The following FAR1 variants were observed in gnomAD, a reference collection of about 807,000 sequenced individuals.
The protein encoded by FAR1 is male sterility domain-containing protein 2.
In FAR1, 22 loss-of-function variants were observed where a neutral mutation model predicts 61.1. That is an observed-to-expected ratio of 0.36 (90% CI 0.26 to 0.51). The LOEUF is 0.51. FAR1 is among the 20% of genes least tolerant of loss of function. FAR1 has a pLI of 0.95. For synonymous variants in FAR1, 206 were observed against 209.7 expected (o/e 0.98, Z 0.15); for missense variants, 359 against 626.9 (o/e 0.57, Z 4.56).
chr11:13,723,602 T>A (rs1456489819), intron 10 of FAR1, among the ~76,000 whole-genome samples: 1 of 152,152 alleles, frequency 6.6e-6, no homozygotes, highest in Non-Finnish European at 1.5e-5. Context: ...TTGGTGTCTT[T>A]AAGCAATTCA....
intron 10 of FAR1, among the ~76,000 whole-genome samples, chr11:13,727,241 A>G (rs1463198578): frequency 6.6e-6 from 1 of 151,956 alleles, no homozygotes; most frequent in Non-Finnish European, 1.5e-5. Context: ...TGTGGACAAT[A>G]TAATTTTGTC....
intron 1 of FAR1, among the ~76,000 whole-genome samples, chr11:13,692,635 A>G (rs1848262818): frequency 6.6e-6 from 1 of 152,166 alleles, no homozygotes; most frequent in Non-Finnish European, 1.5e-5. Context: ...GGTATACAGA[A>G]ATACATTTTT....
chr11:13,668,733 A>ACGG lies in FAR1; in HGVS notation c.-63_-61dup, dbSNP rs534044328. On this transcript the variant is annotated 5_prime_UTR_variant, in exon 1 of 12. Transcript: ENST00000354817. ...TGGAAAAGCGAGTGAAGAGAGCGCG[A>ACGG]CGGCGGCGGCGGCGGCGGCGCAGCT... 1.9e-3 allele frequency: 295 copies of ACGG among 156,924 alleles called. No individual in the cohort carries two copies. The highest frequency in any genetic ancestry group is 5.2e-3 in the African/African-American group (216 of 41,582). 9.7% of individuals were successfully genotyped at this position (156,924 alleles called of 1,614,324 possible).
chr11:13,678,357 T>A (rs1848089775), intron 1 of FAR1, among the ~76,000 whole-genome samples: 1 of 152,144 alleles, frequency 6.6e-6, no homozygotes, highest in South Asian at 2.1e-4. Flanking sequence ...CTCCGCCTCC[T>A]GGGTTCATGC....
intron 10 of FAR1, chr11:13,723,362 CAAAAAAAAAA>C (rs71313446): frequency 1.9e-5 from 5 of 260,032 alleles, no homozygotes; most frequent in African/African-American, 1.4e-4. Flanking sequence ...GAGAGTCTCT[CAAAAAAAAAA>C]AAAAAAAAAA....
intron 1 of FAR1, among the ~76,000 whole-genome samples, chr11:13,691,329 A>G (rs957357448): frequency 6.6e-6 from 1 of 152,172 alleles, no homozygotes; most frequent in African/African-American, 2.4e-5. Context: ...ATCTCCTCTT[A>G]AAGAACCCTT....
rs1232335781 is a variant in FAR1 at position 13,699,132 on chromosome 11, C to G, written c.190-1185C>G. On this transcript the variant is annotated intron_variant, in intron 2 of 11. Transcript: ENST00000354817. ...TTTGTCCCTAACACACACACACATT[C>G]TGTTAAATGTCATTTTCTCTGAGAA... 2.6e-5 allele frequency among the ~76,000 whole-genome samples: 4 copies of G among 152,312 alleles called. No homozygotes were observed. In the East Asian group the frequency reaches 7.7e-4, roughly 29 times the overall value.
At position 13,670,440 on chromosome 11, in the gene FAR1, G is replaced by A. The variant is rs1238709967; in HGVS notation, c.-8+1634G>A. On this transcript the variant is annotated intron_variant, in intron 1 of 11. Transcript: ENST00000354817. ...CGAGTAGTTGGGACTACAGAGACAT[G>A]CCCCACCGCACCGGCTAATTTTTGT... is the stretch of plus-strand genomic sequence containing the variant. Among the ~76,000 whole-genome samples the A allele has an allele frequency of 3.9e-5, 6 of 152,046 alleles. No individual in the cohort carries two copies. The East Asian group carries it at 1.2e-3, about 29-fold the overall frequency.
intron 3 of FAR1, among the ~76,000 whole-genome samples, chr11:13,705,115 T>C (rs557632545): frequency 6.3e-4 from 96 of 152,310 alleles, no homozygotes; most frequent in African/African-American, 2.2e-3. Flanking sequence ...TGTCTTCATT[T>C]AGTGAAGGAT....
chr11:13,670,865 C>G (rs1847993708), intron 1 of FAR1, among the ~76,000 whole-genome samples: 3 of 151,988 alleles, frequency 2.0e-5, no homozygotes, highest in South Asian at 4.2e-4. Flanking sequence ...AGAAGGTGGC[C>G]CACTACCATA....
rs555411146 is a variant in FAR1 at position 13,679,062 on chromosome 11, ATATTT to A, written c.-8+10260_-8+10264del. ...ATCGGTTTTACTTCAGTAATTTGAA[ATATTT>A]TATATAAATCTTCAGGTATATTGTG... On this transcript the variant is annotated intron_variant, in intron 1 of 11. Coordinates refer to ENST00000354817, the MANE Select transcript of FAR1 (RefSeq NM_032228.6). Among the ~76,000 whole-genome samples, 1,113 of 152,302 alleles carry A rather than the reference ATATTT, an allele frequency of 7.3e-3. 13 individuals are homozygous for A. The highest frequency in any genetic ancestry group is 0.026 in the African/African-American group (1,068 of 41,568).
At position 13,728,643 on chromosome 11, in the gene FAR1, A is replaced by G. The variant is rs781023862; in HGVS notation, c.1417A>G (p.Ile473Val). Reference protein sequence around the residue: ...LRNIRYGFNTILVILIWRIFI... With the variant: ...LRNIRYGFNTVLVILIWRIFI... ...GAATATACGTTATGGTTTTAATACT[A>G]TCCTTGTGATCCTCATCTGGCGCAT... is the stretch of plus-strand genomic sequence containing the variant. Residue 473 changes from isoleucine (I) to valine (V), a missense_variant, in exon 12 of 12, where the codon ATC becomes GTC. Coordinates refer to ENST00000354817, the MANE Select transcript of FAR1 (RefSeq NM_032228.6). 1 of 1,612,274 alleles carries G rather than the reference A, an allele frequency of 6.2e-7. No individual in the cohort carries two copies. Among genetic ancestry groups the G allele is most frequent in the Admixed American group, 1.7e-5 (1 of 59,980 alleles).
intron 6 of FAR1, 43 bp downstream of exon 6, chr11:13,711,851 C>A (rs371599793): frequency 2.6e-6 from 4 of 1,560,876 alleles, no homozygotes; most frequent in African/African-American, 1.4e-5. Context: ...ATACATTTTT[C>A]TGCTTTTTGT....
At position 13,712,962 on chromosome 11, in the gene FAR1, G is replaced by A. The variant is rs1342495780; in HGVS notation, c.888-4G>A. 4.3e-6 allele frequency: 7 copies of A among 1,610,840 alleles called. No homozygotes were observed. The East Asian group carries it at 1.6e-4, about 36-fold the overall frequency. ...ATTAATTGGTTTCATCTTTGTCTTT[G>A]CAGACCAAGAAACATCATGGTGTAT... is the stretch of plus-strand genomic sequence containing the variant. On this transcript the variant is annotated splice_polypyrimidine_tract_variant and splice_region_variant and intron_variant, in intron 7 of 11. Coordinates refer to ENST00000354817, the MANE Select transcript of FAR1 (RefSeq NM_032228.6).
intron 9 of FAR1, among the ~76,000 whole-genome samples, chr11:13,718,541 G>C (rs1456977917): frequency 6.6e-6 from 1 of 152,176 alleles, no homozygotes; most frequent in Non-Finnish European, 1.5e-5. Flanking sequence ...ACAGGCCTTA[G>C]AGATTTTGTT....
chr11:13,676,510 A>T (rs1848070905), intron 1 of FAR1, among the ~76,000 whole-genome samples: 1 of 152,188 alleles, frequency 6.6e-6, no homozygotes, highest in Admixed American at 6.5e-5. Context: ...GAAGTAATGC[A>T]GGAGCTTAGA....
At chr11:13,726,844 T>C (rs1305002357) in intron 10 of FAR1, among the ~76,000 whole-genome samples, 1 of 151,996 alleles carries the variant, frequency 6.6e-6, no homozygotes, top group Non-Finnish European at 1.5e-5. Flanking sequence ...TTTTATATTT[T>C]ACTGAATTTT....
chr11:13,673,661 A>T (rs1245447381), intron 1 of FAR1, among the ~76,000 whole-genome samples: 2 of 152,206 alleles, frequency 1.3e-5, no homozygotes, highest in Non-Finnish European at 2.9e-5. Flanking sequence ...AATGACAGTG[A>T]TTTTTTAGTG....
At chr11:13,724,329 T>TGAGCTCAG (rs1848645876) in intron 10 of FAR1, among the ~76,000 whole-genome samples, 1 of 151,728 alleles carries the variant, frequency 6.6e-6, no homozygotes, top group African/African-American at 2.4e-5. Flanking sequence ...TGGGATAACT[T>TGAGCTCAG]GAGCTCAGGA....
Sources: gnomAD v4.1 joint callset for allele counts (sites outside exome capture counted in the v4.1 genomes callset) on GRCh38, gnomAD v4.1.1 for gene constraint, MANE v1.5 for transcripts, NCBI Gene and HGNC (gene_info 2026-07-23, HGNC 2026-07-21) for gene names.